The following PRKG1 variants were observed in gnomAD, a reference collection of about 807,000 sequenced individuals.
PRKG1 encodes the protein protein kinase cGMP-dependent 1.
A neutral mutation model predicts 88.1 loss-of-function variants in PRKG1; 35 were observed. That is an observed-to-expected ratio of 0.40 (90% confidence interval 0.30 to 0.53). PRKG1 has a LOEUF of 0.53. Among genes scored for constraint, PRKG1 ranks in the 20% least tolerant of loss-of-function variants. PRKG1 has a pLI of 0.59. For synonymous variants in PRKG1, 303 were observed against 292.5 expected, an observed-to-expected ratio of 1.04 and a Z score of -0.37; for missense variants, 540 against 839.8, an observed-to-expected ratio of 0.64 and a Z score of 4.41.
chr10:50,992,438 A>G (rs888825122), intron 1 of PRKG1, among the ~76,000 whole-genome samples: 1 of 152,158 alleles, frequency 6.6e-6, no homozygotes, highest in Non-Finnish European at 1.5e-5. Flanking sequence ...CACCTGAAGC[A>G]GATTTGAGGC....
chr10:51,702,930 A>G lies in PRKG1; in HGVS notation c.593-101655A>G, dbSNP rs1051058723. On this transcript the variant is annotated intron_variant, in intron 3 of 17. Coordinates refer to ENST00000373980, the MANE Select transcript of PRKG1 (RefSeq NM_006258.4). The stretch of plus-strand genomic sequence containing the variant: ...GGCTGGTCTTGAACTCCTGAGCTCA[A>G]GCGATCTGCTTGCCTCAGTCTCCCA... Among the ~76,000 whole-genome samples the G allele has an allele frequency of 7.6e-4, 115 of 152,244 alleles. 3 individuals are homozygous for G. Among genetic ancestry groups the G allele is most frequent in the Admixed American group, 7.5e-3 (114 of 15,290 alleles).
At chr10:51,247,159 G>C (rs1327109809) in intron 2 of PRKG1, among the ~76,000 whole-genome samples, 5 of 151,954 alleles carry the variant, frequency 3.3e-5, no homozygotes, top group African/African-American at 1.2e-4. Flanking sequence ...TAGTCAAGAA[G>C]ATGAAAAAAC....
intron 2 of PRKG1, among the ~76,000 whole-genome samples, chr10:51,280,762 T>C (rs1183871976): frequency 6.6e-6 from 1 of 152,204 alleles, no homozygotes; most frequent in East Asian, 1.9e-4. Flanking sequence ...AGTTAGCCAT[T>C]CTTCTAATCT....
At chr10:51,499,496 A>G (rs1840959496) in intron 3 of PRKG1, among the ~76,000 whole-genome samples, 1 of 152,236 alleles carries the variant, frequency 6.6e-6, no homozygotes, top group Non-Finnish European at 1.5e-5. Context: ...ATTTTATATC[A>G]TGTAATTTTA....
chr10:52,148,565 A>C (rs1281457790), intron 8 of PRKG1, among the ~76,000 whole-genome samples: 1 of 152,222 alleles, frequency 6.6e-6, no homozygotes, highest in Non-Finnish European at 1.5e-5. Flanking sequence ...TTTACCTTTA[A>C]GAAATGTCAG....
At chr10:51,947,472 G>A (rs1284907633) in intron 5 of PRKG1, among the ~76,000 whole-genome samples, 1 of 152,136 alleles carries the variant, frequency 6.6e-6, no homozygotes, top group Admixed American at 6.5e-5. Context: ...TGCACCCACT[G>A]TCTTCCGCCC....
intron 7 of PRKG1, among the ~76,000 whole-genome samples, chr10:52,063,024 G>A (rs12772162): frequency 0.038 from 5,749 of 152,220 alleles, 123 homozygotes; most frequent in Middle Eastern, 0.054. Context: ...AATTGTTATG[G>A]GGTCTTTGGG....
intron 2 of PRKG1, among the ~76,000 whole-genome samples, chr10:51,430,731 G>A (rs911827037): frequency 2.6e-5 from 4 of 152,098 alleles, no homozygotes; most frequent in South Asian, 2.1e-4. Flanking sequence ...AAAACAAAAC[G>A]TGTTATGTCC....
chr10:51,389,062 C>G (rs938727516), intron 2 of PRKG1, among the ~76,000 whole-genome samples: 2 of 152,094 alleles, frequency 1.3e-5, no homozygotes, highest in East Asian at 3.8e-4. Flanking sequence ...TTGTACTGAC[C>G]AGGCGTATAA....
intron 3 of PRKG1, chr10:51,699,394 C>T: frequency 6.2e-7 from 1 of 1,614,120 alleles, no homozygotes; most frequent in Non-Finnish European, 8.5e-7. Context: ...GTTTTCCCGT[C>T]TCTCTATCGT....
chr10:51,522,476 A>G (rs1259420344), intron 3 of PRKG1, among the ~76,000 whole-genome samples: 1 of 152,234 alleles, frequency 6.6e-6, no homozygotes, highest in Non-Finnish European at 1.5e-5. Context: ...CTGGTGAGAT[A>G]AGAATAACTC....
intron 1 of PRKG1, among the ~76,000 whole-genome samples, chr10:51,139,339 C>T (rs1273790155): frequency 2.0e-5 from 3 of 152,084 alleles, no homozygotes; most frequent in African/African-American, 7.2e-5. Flanking sequence ...GATAGAATAG[C>T]CAATGATTTA....
chr10:51,251,131 C>T (rs1379568155), intron 2 of PRKG1, among the ~76,000 whole-genome samples: 3 of 151,744 alleles, frequency 2.0e-5, no homozygotes, highest in African/African-American at 4.8e-5. Context: ...TAATAGGTTT[C>T]CCATAATAAC....
intron 5 of PRKG1, among the ~76,000 whole-genome samples, chr10:51,946,298 C>T (rs1056866556): frequency 1.3e-5 from 2 of 152,064 alleles, no homozygotes; most frequent in Admixed American, 6.5e-5. Flanking sequence ...CGAGCCTTGG[C>T]TTTCAGCTCC....
intron 3 of PRKG1, chr10:51,698,593 C>A: frequency 6.2e-7 from 1 of 1,613,856 alleles, no homozygotes; most frequent in Non-Finnish European, 8.5e-7. Context: ...CACCAGGAGT[C>A]ACGGGTCCGC....
intron 2 of PRKG1, among the ~76,000 whole-genome samples, chr10:51,392,636 G>A (rs1253952407): frequency 3.3e-5 from 5 of 151,396 alleles, no homozygotes; most frequent in Non-Finnish European, 7.4e-5. Context: ...CGTTCTCAAT[G>A]AGCTGTTGGG....
At chr10:51,754,321 C>A (rs559422303) in intron 3 of PRKG1, among the ~76,000 whole-genome samples, 1 of 152,182 alleles carries the variant, frequency 6.6e-6, no homozygotes, top group African/African-American at 2.4e-5. Context: ...ATTGATAATT[C>A]TCTGGCAATA....
intron 17 of PRKG1, among the ~76,000 whole-genome samples, chr10:52,292,015 T>C (rs1452111064): frequency 6.6e-6 from 1 of 152,224 alleles, no homozygotes; most frequent in Admixed American, 6.5e-5. Context: ...GATCCAGTGA[T>C]GATGAGTATT....
chr10:52,124,431 A>T (rs1345951553), intron 7 of PRKG1, among the ~76,000 whole-genome samples: 1 of 152,180 alleles, frequency 6.6e-6, no homozygotes, highest in Non-Finnish European at 1.5e-5. Context: ...GTAAAGCAAA[A>T]ATATACCATG....
Sources: allele counts gnomAD v4.1 joint callset (sites outside exome capture counted in the v4.1 genomes callset), GRCh38; gene constraint gnomAD v4.1.1; transcripts MANE v1.5; gene names NCBI Gene and HGNC (gene_info 2026-07-23, HGNC 2026-07-21).